The following ZBTB5 variants were observed in gnomAD, a reference collection of about 807,000 sequenced individuals.
ZBTB5 encodes the protein zinc finger and BTB domain-containing protein 5.
Under a neutral mutation model 37.9 loss-of-function variants are expected in ZBTB5, and 15 were observed. That is an observed-to-expected ratio of 0.40 (90% CI 0.26 to 0.61). The LOEUF (loss-of-function observed/expected upper bound fraction) is 0.61. Ranked by LOEUF, ZBTB5 falls within the 20% of genes least tolerant of loss-of-function variation. The probability of loss-of-function intolerance (pLI) is 0.47; values close to 1 mark genes in which losing one functional copy is unlikely to be tolerated. For synonymous variants in ZBTB5, 315 were observed against 312.4 expected, an observed-to-expected ratio of 1.01 and a Z score of -0.09; for missense variants, 708 against 856.8, an observed-to-expected ratio of 0.83 and a Z score of 2.17.
At position 37,441,219 on chromosome 9, in the gene ZBTB5, G is replaced by A. The variant is rs531179814; in HGVS notation, c.1333C>T (p.Pro445Ser). The change falls in exon 2 of 2, where the codon CCC becomes TCC. Residue 445 changes from proline to serine, a missense_variant. Coordinates refer to ENST00000307750, the MANE Select transcript of ZBTB5 (RefSeq NM_014872.3). ...CCAGCCTCTGGACTCAACAAATAGG[G>A]GGCCTCACTCTCCAGCCTGCAGTCA... is the stretch of plus-strand genomic sequence containing the variant. ...TSDCRLESEA[P>S]YLLSPEAGPA... 1 of 1,614,056 alleles carries A rather than the reference G, an allele frequency of 6.2e-7. No homozygotes were observed. The highest frequency in any genetic ancestry group is 1.1e-5 in the South Asian group (1 of 91,078).
chr9:37,451,746 G>C (rs920166120), intron 1 of ZBTB5, among the ~76,000 whole-genome samples: 30 of 152,118 alleles, frequency 2.0e-4, no homozygotes, highest in Admixed American at 7.9e-4. Flanking sequence ...TAATTTGGTG[G>C]GTAGGGGGCC....
At chr9:37,457,775 T>G (rs138209507) in intron 1 of ZBTB5, among the ~76,000 whole-genome samples, 2 of 152,316 alleles carry the variant, frequency 1.3e-5, no homozygotes, top group African/African-American at 2.4e-5. Flanking sequence ...TTGGTTGGAT[T>G]TGGACAAACC....
At chr9:37,464,962 A>T (rs879716284) in intron 1 of ZBTB5, among the ~76,000 whole-genome samples, 4 of 152,222 alleles carry the variant, frequency 2.6e-5, no homozygotes, top group African/African-American at 4.8e-5. Flanking sequence ...CCGGGGATCC[A>T]CAGGAGTACC....
chr9:37,452,191 G>A (rs1824116840), intron 1 of ZBTB5, among the ~76,000 whole-genome samples: 1 of 152,202 alleles, frequency 6.6e-6, no homozygotes. Flanking sequence ...GGTCGGTTAG[G>A]TCTGATATCT....
chr9:37,461,608 GTCCCAGC>G (rs1186790409), intron 1 of ZBTB5, among the ~76,000 whole-genome samples: 1 of 152,122 alleles, frequency 6.6e-6, no homozygotes, highest in Non-Finnish European at 1.5e-5. Context: ...ACGAGCTGTA[GTCCCAGC>G]TACTCAGGAG....
At chr9:37,459,945 C>G (rs1177987791) in intron 1 of ZBTB5, among the ~76,000 whole-genome samples, 2 of 150,130 alleles carry the variant, frequency 1.3e-5, no homozygotes, top group Non-Finnish European at 3.0e-5. Context: ...CTCCTGACCT[C>G]ATGATCTGTC....
chr9:37,442,305 T>C lies in ZBTB5; in HGVS notation c.247A>G (p.Met83Val). The change falls in exon 2 of 2, where the codon ATG becomes GTG. Residue 83 changes from methionine to valine, a missense_variant. By Grantham distance (21) the Met-to-Val change is conservative. Coordinates refer to ENST00000307750, the MANE Select transcript of ZBTB5 (RefSeq NM_014872.3). ...AGCATGAGGGTGGAGGTATACATCA[T>C]GTCAATCAGTGCAGCAAAGGCCTCT... ...TAEAFAALID[M>V]MYTSTLMLGE... 4 of 1,614,188 alleles carry C rather than the reference T, an allele frequency of 2.5e-6. No individual in the cohort carries two copies. The highest frequency in any genetic ancestry group is 2.2e-5 in the East Asian group (1 of 44,884).
At chr9:37,458,627 T>G (rs964604384) in intron 1 of ZBTB5, among the ~76,000 whole-genome samples, 6 of 152,264 alleles carry the variant, frequency 3.9e-5, no homozygotes, top group African/African-American at 1.4e-4. Context: ...AACTTGTATC[T>G]GTCACTGTGA....
chr9:37,447,472 CT>C (rs35406738), intron 1 of ZBTB5, among the ~76,000 whole-genome samples: 3 of 151,110 alleles, frequency 2.0e-5, no homozygotes, highest in South Asian at 2.1e-4. Context: ...TTTTACTGTG[CT>C]TTTTTTTTGA....
In ZBTB5 at chr9:37,438,667, C is replaced by G. The variant is rs1485244120; in HGVS notation, c.*1851G>C. The G allele has an allele frequency of 6.6e-6, 1 of 152,328 alleles. No individual in the cohort carries two copies. Among genetic ancestry groups the G allele is most frequent in the Non-Finnish European group, 1.5e-5 (1 of 68,142 alleles). 9.4% of individuals were successfully genotyped at this position (152,328 alleles called of 1,614,324 possible). On this transcript the variant is annotated 3_prime_UTR_variant, in exon 2 of 2. Transcript: ENST00000307750. Reference sequence around the variant, plus strand: ...GGCAGGGCCTCTCATTTTCTCCAGGCTAACCCACTGTGTCCCAAGGTTAAT... The same window carrying G: ...GGCAGGGCCTCTCATTTTCTCCAGGGTAACCCACTGTGTCCCAAGGTTAAT...
intron 1 of ZBTB5, among the ~76,000 whole-genome samples, chr9:37,447,013 T>C (rs1000370890): frequency 2.0e-5 from 3 of 152,206 alleles, no homozygotes; most frequent in Non-Finnish European, 4.4e-5. Context: ...GCGTTACTGC[T>C]TTCTCTCCTA....
rs200040178 is a variant in ZBTB5 at position 37,441,685 on chromosome 9, G to A, written c.867C>T (p.Ala289=). The part of the protein sequence containing the change: ...SAGNMAQLSM[A]SRATQVETSF... ...TAGTCTCAACCTGAGTTGCACGAGA[G>A]GCCATGGACAACTGTGCCATGTTGC... The change falls in exon 2 of 2, where the codon GCC becomes GCT. Residue 289 remains alanine (A), a synonymous_variant. Coordinates refer to ENST00000307750, the MANE Select transcript of ZBTB5 (RefSeq NM_014872.3). 83 of 1,613,896 alleles carry A rather than the reference G, an allele frequency of 5.1e-5. No individual in the cohort carries two copies. The East Asian group carries it at 1.7e-3, about 33-fold the overall frequency.
intron 1 of ZBTB5, among the ~76,000 whole-genome samples, chr9:37,457,839 C>T (rs1038777874): frequency 4.6e-5 from 7 of 152,106 alleles, no homozygotes; most frequent in African/African-American, 7.2e-5. Flanking sequence ...GCAATGTATT[C>T]GATTTGGCTG....
intron 1 of ZBTB5, among the ~76,000 whole-genome samples, chr9:37,461,519 G>C (rs535772789): frequency 3.3e-5 from 5 of 152,344 alleles, no homozygotes; most frequent in African/African-American, 1.2e-4. Context: ...CCTGAGGTCA[G>C]GAGTTCAAGA....
Position 37,442,243 on chromosome 9 carries a change from G to C in ZBTB5, c.309C>G (p.Ala103=). The C allele has an allele frequency of 1.2e-6, 2 of 1,614,232 alleles. No homozygotes were observed. The highest frequency in any genetic ancestry group is 3.3e-5 in the Admixed American group (2 of 60,028). Residue 103 remains alanine, a synonymous_variant, in exon 2 of 2, where the codon GCC becomes GCG. Transcript: ENST00000307750. ...ESNVMDVLLA[A]SHLHLNSVVK... The stretch of plus-strand genomic sequence containing the variant: ...CAACAGAGTTCAAATGCAGGTGAGA[G>C]GCTGCCAATAAGACATCCATTACAT...
intron 1 of ZBTB5, among the ~76,000 whole-genome samples, chr9:37,459,258 A>C (rs1824244560): frequency 2.6e-5 from 4 of 152,168 alleles, no homozygotes; most frequent in African/African-American, 9.6e-5. Context: ...CAGGAGTTTG[A>C]GACCAGCCTG....
chr9:37,456,000 A>G (rs1206504822), intron 1 of ZBTB5, among the ~76,000 whole-genome samples: 1 of 149,900 alleles, frequency 6.7e-6, no homozygotes, highest in Non-Finnish European at 1.5e-5. Context: ...CTCAGGCTGG[A>G]GTACAGTGGC....
chr9:37,458,032 C>T (rs924084685), intron 1 of ZBTB5, among the ~76,000 whole-genome samples: 1 of 152,150 alleles, frequency 6.6e-6, no homozygotes, highest in Non-Finnish European at 1.5e-5. Context: ...TTAAGCAGCA[C>T]ATCAGCCAGA....
chr9:37,464,852 C>A (rs1418545123), intron 1 of ZBTB5, among the ~76,000 whole-genome samples: 1 of 152,218 alleles, frequency 6.6e-6, no homozygotes, highest in African/African-American at 2.4e-5. Context: ...GCAAGGGAGC[C>A]GTCCGACCAC....
Sources: gnomAD v4.1 joint callset for allele counts (sites outside exome capture counted in the v4.1 genomes callset) on GRCh38, gnomAD v4.1.1 for gene constraint, MANE v1.5 for transcripts, NCBI Gene and HGNC (gene_info 2026-07-23, HGNC 2026-07-21) for gene names.